The following XYLT1 variants were observed in gnomAD, a reference collection of about 807,000 sequenced individuals.
XYLT1 encodes the protein beta-D-xylosyltransferase 1.
Under a neutral mutation model 91.3 loss-of-function variants are expected in XYLT1, and 36 were observed. The observed-to-expected ratio is 0.39, with a 90% CI of 0.30 to 0.52. XYLT1 has a LOEUF of 0.52. Among genes scored for constraint, XYLT1 ranks in the 20% least tolerant of loss-of-function variants. The probability of loss-of-function intolerance (pLI) is 0.68; values close to 1 mark genes in which losing one functional copy is unlikely to be tolerated. For missense variants in XYLT1, 1,242 were observed against 1,284.5 expected, an observed-to-expected ratio of 0.97 and a Z score of 0.51; for synonymous variants, 588 against 532.0, an observed-to-expected ratio of 1.11 and a Z score of -1.45.
In XYLT1 at chr16:17,308,623, C is replaced by A. The variant is rs1158575998; in HGVS notation, c.403-49125G>T. The stretch of plus-strand genomic sequence containing the variant: ...CCACACTTGCTTTCCTACCCAAAGA[C>A]CACCACAATCCCTAGCTTCTTTAGA... On this transcript the variant is annotated intron_variant, in intron 2 of 11. Coordinates refer to ENST00000261381, the MANE Select transcript of XYLT1 (RefSeq NM_022166.4). 2.0e-5 allele frequency among the ~76,000 whole-genome samples: 3 copies of A among 152,196 alleles called. No individual in the cohort carries two copies. The East Asian group carries it at 5.8e-4, about 29-fold the overall frequency.
chr16:17,240,380 G>A (rs972156219), intron 3 of XYLT1, among the ~76,000 whole-genome samples: 12 of 152,296 alleles, frequency 7.9e-5, no homozygotes, highest in African/African-American at 2.9e-4. Context: ...TTCAGCAGAC[G>A]AGCCACACAG....
intron 2 of XYLT1, among the ~76,000 whole-genome samples, chr16:17,344,522 C>T: frequency 6.6e-6 from 1 of 151,410 alleles, no homozygotes; most frequent in South Asian, 2.1e-4. Context: ...TAATCCTGTC[C>T]CAAATGTCAG....
intron 5 of XYLT1, among the ~76,000 whole-genome samples, chr16:17,190,808 C>T (rs1366629570): frequency 6.6e-6 from 1 of 151,752 alleles, no homozygotes; most frequent in Non-Finnish European, 1.5e-5. Flanking sequence ...AGGTATACAC[C>T]CAGTAATGGG....
chr16:17,402,300 A>G (rs1372658561), intron 1 of XYLT1, among the ~76,000 whole-genome samples: 1 of 151,796 alleles, frequency 6.6e-6, no homozygotes, highest in African/African-American at 2.4e-5. Flanking sequence ...AGCCTGGGCA[A>G]CGGAGACCTT....
chr16:17,348,852 TG>T (rs1293108733), intron 2 of XYLT1, among the ~76,000 whole-genome samples: 1 of 152,240 alleles, frequency 6.6e-6, no homozygotes, highest in Non-Finnish European at 1.5e-5. Flanking sequence ...TGCACAGCCC[TG>T]CCCCAAAACC....
chr16:17,219,588 A>G (rs2032928097), intron 3 of XYLT1, among the ~76,000 whole-genome samples: 1 of 152,200 alleles, frequency 6.6e-6, no homozygotes, highest in African/African-American at 2.4e-5. Flanking sequence ...TGATTTCTCA[A>G]CGATGGCTTG....
chr16:17,302,497 ATG>A (rs1352944972), intron 2 of XYLT1, among the ~76,000 whole-genome samples: 2 of 152,150 alleles, frequency 1.3e-5, no homozygotes, highest in Non-Finnish European at 2.9e-5. Flanking sequence ...GCCATGAGCA[ATG>A]GCCTGTGTCA....
intron 2 of XYLT1, among the ~76,000 whole-genome samples, chr16:17,282,933 A>G (rs1487883155): frequency 6.6e-6 from 1 of 151,614 alleles, no homozygotes; most frequent in Admixed American, 6.6e-5. Flanking sequence ...TTTCACAGAC[A>G]ATGAAACTGA....
At chr16:17,139,630 T>G (rs2030901183) in intron 7 of XYLT1, among the ~76,000 whole-genome samples, 1 of 152,116 alleles carries the variant, frequency 6.6e-6, no homozygotes, top group South Asian at 2.1e-4. Flanking sequence ...TAAGCTTGAA[T>G]TGCCTACAAG....
intron 2 of XYLT1, among the ~76,000 whole-genome samples, chr16:17,345,043 T>C (rs77525168): frequency 0.14 from 21,760 of 152,142 alleles, 2,219 homozygotes; most frequent in African/African-American, 0.28. Flanking sequence ...TGTCTGAACA[T>C]ACCCCAGGCC....
chr16:17,291,104 T>G (rs1010020925), intron 2 of XYLT1, among the ~76,000 whole-genome samples: 5 of 152,122 alleles, frequency 3.3e-5, no homozygotes, highest in African/African-American at 1.2e-4. Context: ...CTGGTTAACT[T>G]TTTTTTGGCA....
At chr16:17,138,758 C>A in intron 7 of XYLT1, 1 of 501,314 alleles carries the variant, frequency 2.0e-6, no homozygotes, top group Middle Eastern at 5.5e-4. Flanking sequence ...TCCTTCATAG[C>A]AATGCAAAAA....
chr16:17,131,453 A>G (rs1468639760), intron 9 of XYLT1, among the ~76,000 whole-genome samples: 1 of 152,236 alleles, frequency 6.6e-6, no homozygotes, highest in Non-Finnish European at 1.5e-5. Flanking sequence ...CTCCATCTGC[A>G]TTCCCACGGA....
At chr16:17,440,751 C>A (rs2036522901) in intron 1 of XYLT1, among the ~76,000 whole-genome samples, 1 of 152,210 alleles carries the variant, frequency 6.6e-6, no homozygotes, top group Admixed American at 6.5e-5. Context: ...GTGTAATATT[C>A]TCCATGGACT....
chr16:17,279,202 C>T (rs2034021302), intron 2 of XYLT1, among the ~76,000 whole-genome samples: 1 of 152,208 alleles, frequency 6.6e-6, no homozygotes, highest in Non-Finnish European at 1.5e-5. Flanking sequence ...GCCAGACTAC[C>T]TGGGTTCTCA....
At chr16:17,437,589 C>G (rs2036476521) in intron 1 of XYLT1, among the ~76,000 whole-genome samples, 1 of 152,086 alleles carries the variant, frequency 6.6e-6, no homozygotes, top group Admixed American at 6.5e-5. Flanking sequence ...GAAACGCCAC[C>G]CTGCACAGCT....
rs1205232741 is a variant in XYLT1, at chr16:17,127,739, G to T, written c.2150C>A (p.Thr717Asn). The T allele has an allele frequency of 6.2e-7, 1 of 1,614,156 alleles. No individual in the cohort carries two copies. The highest frequency in any genetic ancestry group is 2.2e-5 in the East Asian group (1 of 44,880). The change falls in exon 10 of 12, where the codon ACC becomes AAC. Residue 717 changes from threonine to asparagine, a missense_variant. Transcript: ENST00000261381. ...GAAGACTTTTTTCGGCATCACCCAG[G>T]TCTCCAGAGTCTCTAGTTTGCTCAC... is the stretch of plus-strand genomic sequence containing the variant. ...LAVSKLETLE[T>N]WVMPKKVFKI...
chr16:17,294,370 C>T (rs76764382), intron 2 of XYLT1, among the ~76,000 whole-genome samples: 5,269 of 152,220 alleles, frequency 0.035, 333 homozygotes, highest in African/African-American at 0.12. Context: ...AGCCCAACAC[C>T]GTCAGAGGGC....
chr16:17,442,407 A>G lies in XYLT1; in HGVS notation c.363+28027T>C, dbSNP rs548888459. Among the ~76,000 whole-genome samples, 27 of 151,998 alleles carry G rather than the reference A, an allele frequency of 1.8e-4. No homozygotes were observed. The South Asian group carries it at 5.0e-3, about 28-fold the overall frequency. On this transcript the variant is annotated intron_variant, in intron 1 of 11. Transcript: ENST00000261381. The stretch of plus-strand genomic sequence containing the variant: ...TTTTGCCCACCTACCCCCCACCTCC[A>G]TGATGGTTAATTTTAGGTGTCAACT...
Sources: allele counts gnomAD v4.1 joint callset (sites outside exome capture counted in the v4.1 genomes callset), GRCh38; gene constraint gnomAD v4.1.1; transcripts MANE v1.5; gene names NCBI Gene and HGNC (gene_info 2026-07-23, HGNC 2026-07-21).